TOPAZ1: variants seen among roughly 807,000 people sequenced by gnomAD.
The protein encoded by TOPAZ1 is protein TOPAZ1.
TOPAZ1 carries 66 observed loss-of-function variants against 172.2 expected under a neutral mutation model. The ratio of observed to expected loss-of-function variants is 0.38; its 90% confidence interval spans 0.31 to 0.47. The LOEUF (loss-of-function observed/expected upper bound fraction) is 0.47. TOPAZ1 is among the 20% of genes least tolerant of loss of function. The pLI is 0.99. For synonymous variants in TOPAZ1, 681 were observed against 683.9 expected, an observed-to-expected ratio of 1.00 and a Z score of 0.07; for missense variants, 1,822 against 1,972.4, an observed-to-expected ratio of 0.92 and a Z score of 1.44.
chr3:44,303,722 C>T (rs1700302904), intron 12 of TOPAZ1, among the ~76,000 whole-genome samples: 1 of 151,744 alleles, frequency 6.6e-6, no homozygotes, highest in Non-Finnish European at 1.5e-5. Context: ...TTTTTTTTCT[C>T]CTTTTAGTCA....
intron 8 of TOPAZ1, among the ~76,000 whole-genome samples, chr3:44,276,606 A>C (rs2125688869): frequency 8.0e-6 from 1 of 124,248 alleles, no homozygotes; most frequent in East Asian, 2.2e-4. Context: ...GAGGTAGTTT[A>C]ATGCCTCCAG....
intron 16 of TOPAZ1, among the ~76,000 whole-genome samples, chr3:44,319,154 C>T (rs1046690128): frequency 2.4e-4 from 36 of 152,254 alleles, no homozygotes; most frequent in Non-Finnish European, 1.5e-4. Context: ...GGGAAGAACC[C>T]TGCTGCCTGA....
chr3:44,311,973 AAC>A (rs1424607251), intron 16 of TOPAZ1, among the ~76,000 whole-genome samples: 3 of 152,144 alleles, frequency 2.0e-5, no homozygotes, highest in Admixed American at 2.0e-4. Context: ...AAAAGTTTAA[AAC>A]ACATTTTTTT....
Position 44,243,685 on chromosome 3 carries a change from T to A in TOPAZ1, c.1179T>A (p.Asp393Glu). Residue 393 changes from aspartate (D) to glutamate (E), a missense_variant, in exon 2 of 20, where the codon GAT becomes GAA. By Grantham distance (45) the Asp-to-Glu change is conservative. This residue lies in a region of TOPAZ1 where 1,489 missense variants were observed against 1,490.8 expected (regional missense o/e 1.00). Coordinates refer to ENST00000309765, the MANE Select transcript of TOPAZ1 (RefSeq NM_001145030.2). ...KVSHNTVSLMDHLLSVPETVE... is the reference protein window; with the variant it reads ...KVSHNTVSLMEHLLSVPETVE... ...GCCATAATACAGTCTCTTTGATGGATCATTTATTAAGTGTCCCAGAAACAG... is the reference window on the plus strand; with the variant it reads ...GCCATAATACAGTCTCTTTGATGGAACATTTATTAAGTGTCCCAGAAACAG... The A allele has an allele frequency of 1.3e-6, 2 of 1,550,358 alleles. No homozygotes were observed. The highest frequency in any genetic ancestry group is 1.7e-6 in the Non-Finnish European group (2 of 1,146,896).
At chr3:44,269,906 G>A (rs1205798302) in intron 7 of TOPAZ1, among the ~76,000 whole-genome samples, 1 of 152,144 alleles carries the variant, frequency 6.6e-6, no homozygotes, top group East Asian at 1.9e-4. Context: ...TTACGGGCGT[G>A]AGCCACTGTG....
intron 9 of TOPAZ1, among the ~76,000 whole-genome samples, chr3:44,286,598 AAAC>A (rs1304726321): frequency 6.6e-6 from 1 of 152,216 alleles, no homozygotes; most frequent in Non-Finnish European, 1.5e-5. Flanking sequence ...TGGCTTTCCT[AAAC>A]AATACCAGGT....
intron 4 of TOPAZ1, among the ~76,000 whole-genome samples, chr3:44,262,083 A>G (rs536414164): frequency 1.4e-4 from 21 of 152,286 alleles, no homozygotes; most frequent in African/African-American, 4.6e-4. Context: ...ACCACTTTAA[A>G]ATAACTCAAA....
chr3:44,309,789 T>C lies in TOPAZ1; in HGVS notation c.4141-36T>C, dbSNP rs180865085. The C allele has an allele frequency of 5.3e-4, 722 of 1,367,514 alleles. 8 individuals carry two copies. The African/African-American group carries it at 9.3e-3, about 18-fold the overall frequency. 84.7% of individuals were successfully genotyped at this position (1,367,514 alleles called of 1,614,324 possible). On this transcript the variant is annotated intron_variant, in intron 15 of 19. Coordinates refer to ENST00000309765, the MANE Select transcript of TOPAZ1 (RefSeq NM_001145030.2). Reference sequence around the variant, plus strand: ...AGTGGCTTTGTGTGTTTGTAAATGATTGATACCCAATTAGTGTTCTTTATT... The same window carrying C: ...AGTGGCTTTGTGTGTTTGTAAATGACTGATACCCAATTAGTGTTCTTTATT...
rs1476934250 is a variant in TOPAZ1, at chr3:44,245,194, T to A, written c.2688T>A (p.Asn896Lys). 2.6e-6 allele frequency: 4 copies of A among 1,551,666 alleles called. No individual in the cohort carries two copies. In the African/African-American group the frequency reaches 4.1e-5, roughly 16 times the overall value. ...TCCCAAAGATAAGCCAGGAGCCCAA[T>A]GTTGCTGGAGAGCACCAATCAACAG... ...SEVPKISQEP[N>K]VAGEHQSTDS... Residue 896 changes from asparagine to lysine, a missense_variant, in exon 2 of 20, where the codon AAT becomes AAA. Asn to Lys is a moderately conservative substitution (Grantham distance 94). Transcript: ENST00000309765.
chr3:44,264,173 C>A (rs1329145488), intron 5 of TOPAZ1, among the ~76,000 whole-genome samples: 1 of 152,182 alleles, frequency 6.6e-6, no homozygotes, highest in African/African-American at 2.4e-5. Context: ...CCACCCCATT[C>A]CTTCCTCTAC....
chr3:44,323,334 A>G (rs1700562211), intron 18 of TOPAZ1, 39 bp downstream of exon 18: 2 of 1,307,200 alleles, frequency 1.5e-6, no homozygotes, highest in African/African-American at 1.5e-5. Context: ...ATTGGTTTAT[A>G]ATTGTATTCT....
At chr3:44,270,176 G>A (rs186191225) in intron 7 of TOPAZ1, among the ~76,000 whole-genome samples, 1 of 152,250 alleles carries the variant, frequency 6.6e-6, no homozygotes, top group Admixed American at 6.5e-5. Flanking sequence ...CATTTGCCTT[G>A]TTCTATTAAT....
At chr3:44,302,694 T>C (rs974872965) in intron 12 of TOPAZ1, among the ~76,000 whole-genome samples, 1 of 152,220 alleles carries the variant, frequency 6.6e-6, no homozygotes, top group Non-Finnish European at 1.5e-5. Flanking sequence ...TAGTATCAAC[T>C]TCCTAACTCC....
At chr3:44,320,754 A>C (rs1240360383) in intron 16 of TOPAZ1, among the ~76,000 whole-genome samples, 1 of 152,212 alleles carries the variant, frequency 6.6e-6, no homozygotes, top group African/African-American at 2.4e-5. Flanking sequence ...ATAAAAATAA[A>C]CATTTAAAAT....
chr3:44,300,796 A>G (rs1700263513), intron 12 of TOPAZ1, among the ~76,000 whole-genome samples: 1 of 152,134 alleles, frequency 6.6e-6, no homozygotes, highest in South Asian at 2.1e-4. Flanking sequence ...TTTTGGTCAC[A>G]TAAAAACTTA....
downstream of TOPAZ1, among the ~76,000 whole-genome samples, chr3:44,334,322 A>G (rs1700701686): frequency 6.6e-6 from 1 of 152,084 alleles, no homozygotes; most frequent in Non-Finnish European, 1.5e-5. Flanking sequence ...TGGTTTCAAG[A>G]AAGGGGAAAC....
chr3:44,280,948 G>A (rs1700016740), intron 8 of TOPAZ1, among the ~76,000 whole-genome samples: 1 of 152,190 alleles, frequency 6.6e-6, no homozygotes, highest in Non-Finnish European at 1.5e-5. Flanking sequence ...TAGGACTGAG[G>A]AATTTGTGGG....
intron 12 of TOPAZ1, among the ~76,000 whole-genome samples, chr3:44,299,413 C>T (rs1331871671): frequency 6.6e-6 from 1 of 152,048 alleles, no homozygotes; most frequent in Admixed American, 6.6e-5. Context: ...TACCATCTCA[C>T]ACCAGTTAGA....
intron 8 of TOPAZ1, among the ~76,000 whole-genome samples, chr3:44,276,271 A>G (rs550533943): frequency 2.6e-5 from 4 of 152,262 alleles, no homozygotes; most frequent in South Asian, 2.1e-4. Context: ...GCCTAGACCA[A>G]TGTCCTATAG....
Sources: gnomAD v4.1 joint callset for allele counts (sites outside exome capture counted in the v4.1 genomes callset) on GRCh38, gnomAD v4.1.1 for gene constraint, gnomAD v4.1.1 regional missense constraint, MANE v1.5 for transcripts, NCBI Gene and HGNC (gene_info 2026-07-23, HGNC 2026-07-21) for gene names.